DOCK1: variants seen among roughly 807,000 people sequenced by gnomAD.
The protein encoded by DOCK1 is dedicator of cytokinesis 1, also known as dedicator of cytokinesis protein 1.
In DOCK1, 138 loss-of-function variants were observed where a neutral mutation model predicts 262.7. That is an observed-to-expected ratio of 0.53 (90% CI 0.46 to 0.61). The LOEUF is 0.61. DOCK1 is among the 20% of genes least tolerant of loss of function. The probability of loss-of-function intolerance (pLI) is 0.00; values close to 1 mark genes in which losing one functional copy is unlikely to be tolerated. For missense variants in DOCK1, 1,908 were observed against 2,370.7 expected (o/e 0.80, Z 4.05); for synonymous variants, 866 against 867.4 (o/e 1.00, Z 0.03).
intron 5 of DOCK1, among the ~76,000 whole-genome samples, chr10:126,989,481 C>T (rs2134987232): frequency 6.6e-6 from 1 of 152,198 alleles, no homozygotes. Flanking sequence ...TGTGAGCCAC[C>T]ATGCTCAGCT....
At chr10:127,129,419 A>T (rs895249597) in intron 27 of DOCK1, among the ~76,000 whole-genome samples, 5 of 152,226 alleles carry the variant, frequency 3.3e-5, no homozygotes, top group African/African-American at 1.2e-4. Context: ...TTTACAGTAG[A>T]CTTTTCCATT....
rs2070578537 is a variant in DOCK1 at position 127,446,662 on chromosome 10, C to T, written c.5414-732C>T. Among the ~76,000 whole-genome samples, 1 of 152,074 alleles carries T rather than the reference C, an allele frequency of 6.6e-6. No individual in the cohort carries two copies. The highest frequency in any genetic ancestry group is 1.5e-5 in the Non-Finnish European group (1 of 67,998). On this transcript the variant is annotated intron_variant, in intron 50 of 51. Transcript: ENST00000623213. The surrounding 1 kb of genome is among the most constrained non-coding windows in gnomAD (Gnocchi z 4.4). ...TCCTAGGGGAAAACTCCAAAAGAGA[C>T]TCATCAGTAAAAATGTCCATTTTTC... is the stretch of plus-strand genomic sequence containing the variant.
At chr10:127,345,423 C>T (rs924176791) in intron 31 of DOCK1, among the ~76,000 whole-genome samples, 3 of 152,198 alleles carry the variant, frequency 2.0e-5, no homozygotes, top group African/African-American at 4.8e-5. Flanking sequence ...CTAATCTAGG[C>T]GATTCAGGGC....
chr10:127,411,422 A>G (rs1212631407), intron 43 of DOCK1, among the ~76,000 whole-genome samples: 2 of 152,140 alleles, frequency 1.3e-5, no homozygotes, highest in African/African-American at 4.8e-5. Flanking sequence ...CAGCACTACT[A>G]GCAATACGGA....
At chr10:127,159,210 T>C (rs2053367239) in intron 27 of DOCK1, among the ~76,000 whole-genome samples, 1 of 152,224 alleles carries the variant, frequency 6.6e-6, no homozygotes, top group Non-Finnish European at 1.5e-5. Flanking sequence ...TTTACATTTC[T>C]GTTTTGTAGT....
rs141911553 is a variant in DOCK1, at chr10:127,064,202, C to T, written c.2445+2426C>T. On this transcript the variant is annotated intron_variant, in intron 23 of 51. Transcript: ENST00000623213. The stretch of plus-strand genomic sequence containing the variant: ...TGGTACCAAACGGTTGGTACCTTCC[C>T]GGTTCAAGTGATTCTCCTGCCTCAT... 1.4e-3 allele frequency among the ~76,000 whole-genome samples: 216 copies of T among 152,262 alleles called. 1 individual carries two copies. Among genetic ancestry groups the T allele is most frequent in the Middle Eastern group, 6.8e-3 (2 of 294 alleles).
intron 29 of DOCK1, among the ~76,000 whole-genome samples, chr10:127,302,619 A>G (rs2061720035): frequency 6.6e-6 from 1 of 152,136 alleles, no homozygotes; most frequent in Non-Finnish European, 1.5e-5. Context: ...GGAACAATTC[A>G]AACAATTTTG....
chr10:127,370,729 G>A (rs917643574), intron 33 of DOCK1, among the ~76,000 whole-genome samples: 8 of 152,072 alleles, frequency 5.3e-5, no homozygotes, highest in Admixed American at 5.2e-4. Context: ...ATATCGCTTC[G>A]AGCACAGCCC....
intron 27 of DOCK1, among the ~76,000 whole-genome samples, chr10:127,155,264 A>C (rs1330328123): frequency 6.6e-6 from 1 of 151,980 alleles, no homozygotes; most frequent in African/African-American, 2.4e-5. Context: ...TGTCTGTTAC[A>C]TCAACATTTG....
chr10:126,998,318 T>C, intron 8 of DOCK1, 69 bp downstream of exon 8: 2 of 1,592,692 alleles, frequency 1.3e-6, no homozygotes, highest in Non-Finnish European at 1.7e-6. Flanking sequence ...TCAGAACCAC[T>C]GAAGCGTCCC....
chr10:126,927,593 T>G (rs1424823781), intron 1 of DOCK1, among the ~76,000 whole-genome samples: 1 of 152,100 alleles, frequency 6.6e-6, no homozygotes, highest in African/African-American at 2.4e-5. Context: ...CCCATCACCA[T>G]GCCCAGCCAA....
intron 1 of DOCK1, among the ~76,000 whole-genome samples, chr10:126,920,958 A>T (rs149182030): frequency 0.025 from 3,754 of 152,244 alleles, 152 homozygotes; most frequent in African/African-American, 0.084. Flanking sequence ...GCACGTTGGG[A>T]GGCCGAGGCG....
chr10:127,405,503 T>C (rs1565065831), intron 40 of DOCK1, among the ~76,000 whole-genome samples: 1 of 151,014 alleles, frequency 6.6e-6, no homozygotes, highest in Non-Finnish European at 1.5e-5. Flanking sequence ...GTGTGATTGC[T>C]CTGGCTTTAG....
chr10:127,183,154 T>G (rs923279285), intron 27 of DOCK1, among the ~76,000 whole-genome samples: 18 of 151,988 alleles, frequency 1.2e-4, no homozygotes, highest in African/African-American at 4.1e-4. Flanking sequence ...GGACATTGAT[T>G]TTTTCCCCCC....
chr10:126,998,498 T>G (rs1046625200), intron 8 of DOCK1: 1 of 413,502 alleles, frequency 2.4e-6, no homozygotes. Flanking sequence ...GCAGGTACAC[T>G]CTGGCCGTAT....
intron 21 of DOCK1, among the ~76,000 whole-genome samples, chr10:127,044,496 G>C (rs2044215261): frequency 6.6e-6 from 1 of 152,194 alleles, no homozygotes; most frequent in South Asian, 2.1e-4. Context: ...GTTCCTTACA[G>C]ACCGTGGGGA....
chr10:127,318,882 G>T (rs929392975), intron 29 of DOCK1, among the ~76,000 whole-genome samples: 3 of 152,226 alleles, frequency 2.0e-5, no homozygotes, highest in Non-Finnish European at 4.4e-5. Context: ...GGCCAGAGGG[G>T]CCTGAAAGGC....
intron 29 of DOCK1, among the ~76,000 whole-genome samples, chr10:127,274,977 A>G (rs1182012241): frequency 6.6e-6 from 1 of 152,154 alleles, no homozygotes; most frequent in African/African-American, 2.4e-5. Context: ...CCCAGTGTGG[A>G]TGTGTGGCCT....
rs1047153994 is a variant in DOCK1, at chr10:126,930,614, T to A, written c.46+25051T>A. Among the ~76,000 whole-genome samples, 1,226 of 152,284 alleles carry A rather than the reference T, an allele frequency of 8.1e-3. 6 individuals carry two copies. Among genetic ancestry groups the A allele is most frequent in the Middle Eastern group, 0.024 (7 of 294 alleles). ...CTGGCCCTCTCCAGCCTTGTGAGAC[T>A]GGAGATTCTGATTCTGTGGTTGAAG... On this transcript the variant is annotated intron_variant, in intron 1 of 51. Coordinates refer to ENST00000623213, the MANE Select transcript of DOCK1 (RefSeq NM_001290223.2).
Sources: allele counts gnomAD v4.1 joint callset (sites outside exome capture counted in the v4.1 genomes callset), GRCh38; gene constraint gnomAD v4.1.1; non-coding constraint Gnocchi (gnomAD v3.1); transcripts MANE v1.5; gene names NCBI Gene and HGNC (gene_info 2026-07-23, HGNC 2026-07-21).